The following RIT2 variants were observed in gnomAD, a reference collection of about 807,000 sequenced individuals.
RIT2 encodes GTP-binding protein Rit2.
RIT2 carries 24 observed loss-of-function variants against 23.7 expected under a neutral mutation model. The observed-to-expected ratio is 1.01, with a 90% CI of 0.73 to 1.43. RIT2 has a LOEUF of 1.43. RIT2 is among the 40% of genes most tolerant of loss of function. The pLI, the probability that RIT2 is intolerant of heterozygous loss-of-function variation, is 0.00. For synonymous variants in RIT2, 107 were observed against 91.1 expected (o/e 1.17, Z -0.99); for missense variants, 236 against 266.9 (o/e 0.88, Z 0.81).
chr18:43,045,751 C>T (rs763639068), intron 1 of RIT2, among the ~76,000 whole-genome samples: 4 of 151,970 alleles, frequency 2.6e-5, no homozygotes, highest in Non-Finnish European at 4.4e-5. Context: ...TGGAACTTCC[C>T]ATTTTGTGCC....
intron 2 of RIT2, among the ~76,000 whole-genome samples, chr18:42,996,506 A>C (rs1015875332): frequency 6.6e-6 from 1 of 152,062 alleles, no homozygotes; most frequent in Non-Finnish European, 1.5e-5. Flanking sequence ...CCACAAAAGA[A>C]ATGAAAATGG....
intron 4 of RIT2, among the ~76,000 whole-genome samples, chr18:42,901,886 A>C (rs1022272189): frequency 2.6e-5 from 4 of 151,902 alleles, no homozygotes; most frequent in African/African-American, 9.7e-5. Flanking sequence ...AATATAATAA[A>C]ATATCCTCCC....
At chr18:42,925,872 C>G (rs1463881397) in intron 3 of RIT2, among the ~76,000 whole-genome samples, 1 of 151,628 alleles carries the variant, frequency 6.6e-6, no homozygotes, top group African/African-American at 2.4e-5. Flanking sequence ...ACCTTGGAAA[C>G]TATTCTATAT....
intron 4 of RIT2, among the ~76,000 whole-genome samples, chr18:42,828,229 C>G (rs1906358839): frequency 6.6e-6 from 1 of 151,964 alleles, no homozygotes; most frequent in African/African-American, 2.4e-5. Context: ...TACACATATG[C>G]AATTATCAAT....
intron 4 of RIT2, among the ~76,000 whole-genome samples, chr18:42,875,639 A>C (rs546477483): frequency 6.6e-6 from 1 of 152,016 alleles, no homozygotes; most frequent in East Asian, 1.9e-4. Context: ...CAAATAGAAT[A>C]TAATTGGAAA....
chr18:42,774,956 C>A (rs1913633558), intron 4 of RIT2, among the ~76,000 whole-genome samples: 1 of 152,114 alleles, frequency 6.6e-6, no homozygotes, highest in Admixed American at 6.6e-5. Flanking sequence ...CTTTTGAGCA[C>A]ATTACACCTT....
intron 1 of RIT2, among the ~76,000 whole-genome samples, chr18:43,044,875 A>C (rs2144298835): frequency 6.6e-6 from 1 of 152,232 alleles, no homozygotes; most frequent in African/African-American, 2.4e-5. Context: ...CTGCTAATGG[A>C]AAGAAATTGT....
At chr18:42,821,313 A>T (rs1432220068) in intron 4 of RIT2, among the ~76,000 whole-genome samples, 1 of 152,134 alleles carries the variant, frequency 6.6e-6, no homozygotes, top group African/African-American at 2.4e-5. Context: ...AGAAGGAGTG[A>T]TGAACAAAAA....
intron 1 of RIT2, among the ~76,000 whole-genome samples, chr18:43,105,134 G>T (rs1054961570): frequency 6.3e-5 from 9 of 143,236 alleles, no homozygotes; most frequent in South Asian, 2.3e-4. Context: ...GTGTGTGTTT[G>T]TGTGTGTGTG....
intron 1 of RIT2, among the ~76,000 whole-genome samples, chr18:43,075,438 C>T (rs1487262866): frequency 1.3e-5 from 2 of 152,066 alleles, no homozygotes; most frequent in African/African-American, 4.8e-5. Flanking sequence ...GAAATTGACT[C>T]CTTTGTAAAT....
intron 4 of RIT2, among the ~76,000 whole-genome samples, chr18:42,834,067 C>G (rs1176018746): frequency 6.6e-6 from 1 of 152,010 alleles, no homozygotes; most frequent in African/African-American, 2.4e-5. Flanking sequence ...AATAACTTGC[C>G]CTCTCCCCAA....
intron 4 of RIT2, among the ~76,000 whole-genome samples, chr18:42,788,165 T>C (rs943455870): frequency 2.0e-5 from 3 of 152,160 alleles, no homozygotes; most frequent in Non-Finnish European, 4.4e-5. Context: ...TTTACATTTT[T>C]CCAAATGCGT....
chr18:42,983,625 A>C (rs535770738), intron 2 of RIT2, among the ~76,000 whole-genome samples: 1 of 152,082 alleles, frequency 6.6e-6, no homozygotes, highest in Non-Finnish European at 1.5e-5. Flanking sequence ...CATGTTTAAC[A>C]TATATAAATA....
At chr18:42,759,447 A>G (rs1913244365) in intron 4 of RIT2, among the ~76,000 whole-genome samples, 1 of 152,190 alleles carries the variant, frequency 6.6e-6, no homozygotes, top group Non-Finnish European at 1.5e-5. Context: ...TGGAATTGGC[A>G]TTAAAACCCA....
At chr18:42,839,009 A>G (rs1464508702) in intron 4 of RIT2, among the ~76,000 whole-genome samples, 1 of 152,210 alleles carries the variant, frequency 6.6e-6, no homozygotes, top group Non-Finnish European at 1.5e-5. Context: ...AATAGGCATC[A>G]CAACACCCAG....
At chr18:42,882,168 G>A (rs1021014747) in intron 4 of RIT2, among the ~76,000 whole-genome samples, 3 of 152,138 alleles carry the variant, frequency 2.0e-5, no homozygotes, top group Non-Finnish European at 4.4e-5. Context: ...CAGGCTTAAC[G>A]GATTAGTATT....
At chr18:42,910,115 C>A (rs1048960856) in intron 4 of RIT2, among the ~76,000 whole-genome samples, 1 of 152,014 alleles carries the variant, frequency 6.6e-6, no homozygotes, top group Non-Finnish European at 1.5e-5. Flanking sequence ...ATAAATACAT[C>A]AAAATAGAAT....
At chr18:43,003,045 G>A (rs1911144852) in intron 2 of RIT2, among the ~76,000 whole-genome samples, 2 of 151,928 alleles carry the variant, frequency 1.3e-5, no homozygotes, top group South Asian at 4.1e-4. Flanking sequence ...GCCAGGAGGA[G>A]CTGGGTAAAG....
intron 4 of RIT2, among the ~76,000 whole-genome samples, chr18:42,820,935 C>G (rs1906130774): frequency 1.3e-5 from 2 of 152,100 alleles, no homozygotes; most frequent in African/African-American, 4.8e-5. Flanking sequence ...TCATGAATGA[C>G]TCTCCCCATG....
Sources: gnomAD v4.1 joint callset for allele counts (sites outside exome capture counted in the v4.1 genomes callset) on GRCh38, gnomAD v4.1.1 for gene constraint, MANE v1.5 for transcripts, NCBI Gene and HGNC (gene_info 2026-07-23, HGNC 2026-07-21) for gene names.